Variants in STAG1 observed in about 807,000 individuals in gnomAD.
STAG1 encodes the protein STAG1 cohesin complex component, also known as cohesin subunit SA-1.
A neutral mutation model predicts 170.9 loss-of-function variants in STAG1; 26 were observed. The observed-to-expected ratio is 0.15, with a 90% CI of 0.11 to 0.21. The LOEUF is 0.21. Among genes scored for constraint, STAG1 ranks in the 10% least tolerant of loss-of-function variants. The probability of loss-of-function intolerance (pLI) is 1.00; values close to 1 mark genes in which losing one functional copy is unlikely to be tolerated. For missense variants in STAG1, 964 were observed against 1,509.5 expected (o/e 0.64, Z 5.99); for synonymous variants, 514 against 497.7 (o/e 1.03, Z -0.44).
At position 136,502,618 on chromosome 3, in the gene STAG1, T is replaced by C. The variant is rs1933544473; in HGVS notation, c.828+10A>G. 1 of 1,611,732 alleles carries C rather than the reference T, an allele frequency of 6.2e-7. No homozygotes were observed. Among genetic ancestry groups the C allele is most frequent in the South Asian group, 1.1e-5 (1 of 90,520 alleles). ...CAGAACATAAAATCATCAGTTCCCA[T>C]GAAACTTACCTCTTTGCGTTTCTGA... On this transcript the variant is annotated intron_variant, in intron 8 of 33. Coordinates refer to ENST00000383202, the MANE Select transcript of STAG1 (RefSeq NM_005862.3).
At chr3:136,350,170 G>T (rs1450756301) in intron 28 of STAG1, among the ~76,000 whole-genome samples, 1 of 151,948 alleles carries the variant, frequency 6.6e-6, no homozygotes, top group African/African-American at 2.4e-5. Context: ...ATACATTTTA[G>T]CAAGAACAGC....
Position 136,673,899 on chromosome 3 carries a change from T to A in STAG1, c.-83-42918A>T, listed in dbSNP as rs116000947. On this transcript the variant is annotated intron_variant, in intron 1 of 33. Transcript: ENST00000383202. Reference sequence around the variant, plus strand: ...AGGTGGATTGCTTGAGCTCATGAATTCAAGGCCAGCCTGGGTAACATGGCA... The same window carrying A: ...AGGTGGATTGCTTGAGCTCATGAATACAAGGCCAGCCTGGGTAACATGGCA... Among the ~76,000 whole-genome samples, 980 of 151,718 alleles carry A rather than the reference T, an allele frequency of 6.5e-3. 12 individuals carry two copies. The highest frequency in any genetic ancestry group is 0.023 in the African/African-American group (934 of 41,350).
chr3:136,747,106 AAAAAAAAAAAAAAAAAAT>A, intron 1 of STAG1, among the ~76,000 whole-genome samples: 1 of 100,660 alleles, frequency 9.9e-6, no homozygotes, highest in Non-Finnish European at 2.5e-5. Flanking sequence ...AAAAAAAAAA[AAAAAAAAAAAAAAAAAAT>A]TAGCCGGGCA....
At chr3:136,587,691 A>C (rs368385437) in intron 4 of STAG1, among the ~76,000 whole-genome samples, 1 of 152,206 alleles carries the variant, frequency 6.6e-6, no homozygotes, top group Non-Finnish European at 1.5e-5. Flanking sequence ...ATGGTGGCTC[A>C]TGTCTGTAAC....
intron 1 of STAG1, among the ~76,000 whole-genome samples, chr3:136,684,664 T>C (rs1347123587): frequency 2.0e-5 from 3 of 150,996 alleles, no homozygotes; most frequent in African/African-American, 7.3e-5. Flanking sequence ...GGTGGGAGAA[T>C]CATCGGGAGA....
chr3:136,392,819 T>TG (rs928824658), intron 22 of STAG1, among the ~76,000 whole-genome samples: 3 of 151,808 alleles, frequency 2.0e-5, no homozygotes, highest in Admixed American at 2.0e-4. Context: ...TAACAGTGGT[T>TG]ATCTACAAGT....
In STAG1 at chr3:136,474,448, G is replaced by A. The variant is rs535226336; in HGVS notation, c.1027-811C>T. On this transcript the variant is annotated intron_variant, in intron 10 of 33. Coordinates refer to ENST00000383202, the MANE Select transcript of STAG1 (RefSeq NM_005862.3). ...CAGGTTTCTTGTTTATAAAATTATC[G>A]TAGGGATTAAGTGCAGAGATATGCT... is the stretch of plus-strand genomic sequence containing the variant. Among the ~76,000 whole-genome samples the A allele has an allele frequency of 1.6e-4, 24 of 152,234 alleles. No individual in the cohort carries two copies. In the East Asian group the frequency reaches 2.7e-3, roughly 17 times the overall value.
intron 5 of STAG1, among the ~76,000 whole-genome samples, chr3:136,554,252 A>AG (rs1251899726): frequency 3.9e-5 from 6 of 152,190 alleles, no homozygotes; most frequent in Non-Finnish European, 7.3e-5. Context: ...AGGGTAAGGA[A>AG]GGGGAAAGGC....
chr3:136,551,226 A>T (rs868745890), intron 5 of STAG1, among the ~76,000 whole-genome samples: 29 of 128,018 alleles, frequency 2.3e-4, no homozygotes, highest in Non-Finnish European at 3.0e-4. Context: ...AGAGAGAGAG[A>T]GAGAGAGAGA....
chr3:136,585,684 C>A lies in STAG1; in HGVS notation c.298-16823G>T, dbSNP rs1020421352. On this transcript the variant is annotated intron_variant, in intron 4 of 33. Coordinates refer to ENST00000383202, the MANE Select transcript of STAG1 (RefSeq NM_005862.3). ...CACTCTTTCCATCTGTGTTCATGTC[C>A]TCCAAGAATCCTAGCACTGACTCCA... Among the ~76,000 whole-genome samples the A allele has an allele frequency of 4.6e-5, 7 of 152,118 alleles. No individual in the cohort carries two copies. In the East Asian group the frequency reaches 1.4e-3, roughly 29 times the overall value.
At chr3:136,438,826 TATTA>T (rs2088538844) in intron 15 of STAG1, among the ~76,000 whole-genome samples, 1 of 152,130 alleles carries the variant, frequency 6.6e-6, no homozygotes, top group African/African-American at 2.4e-5. Flanking sequence ...TTAAGAATCT[TATTA>T]TTTACAGCTA....
chr3:136,529,647 C>T (rs955133740), intron 6 of STAG1, among the ~76,000 whole-genome samples: 1 of 152,178 alleles, frequency 6.6e-6, no homozygotes, highest in Non-Finnish European at 1.5e-5. Flanking sequence ...AAAAAATGCT[C>T]AAGAGAGTCC....
At chr3:136,692,635 A>T (rs1942764213) in intron 1 of STAG1, among the ~76,000 whole-genome samples, 1 of 146,282 alleles carries the variant, frequency 6.8e-6, no homozygotes, top group Non-Finnish European at 1.5e-5. Context: ...ACTCTGTCTC[A>T]AAAAAAAAAA....
chr3:136,408,383 C>T (rs2087540300), intron 21 of STAG1, among the ~76,000 whole-genome samples: 1 of 152,054 alleles, frequency 6.6e-6, no homozygotes, highest in Non-Finnish European at 1.5e-5. Context: ...GTTACTGTAA[C>T]AGAACCTAGA....
chr3:136,407,160 G>T (rs2087507860), intron 21 of STAG1, among the ~76,000 whole-genome samples: 1 of 152,106 alleles, frequency 6.6e-6, no homozygotes, highest in African/African-American at 2.4e-5. Context: ...CTGAGTAGCT[G>T]GGATTACAGG....
At chr3:136,681,113 G>A (rs1362628887) in intron 1 of STAG1, among the ~76,000 whole-genome samples, 1 of 152,158 alleles carries the variant, frequency 6.6e-6, no homozygotes, top group African/African-American at 2.4e-5. Flanking sequence ...AGTACAGACA[G>A]AACCATTCTT....
intron 15 of STAG1, among the ~76,000 whole-genome samples, chr3:136,436,819 CA>C (rs1160943461): frequency 1.3e-5 from 2 of 151,938 alleles, no homozygotes; most frequent in Non-Finnish European, 2.9e-5. Flanking sequence ...TATTCTGTAC[CA>C]AAATTATCTT....
chr3:136,592,280 A>G (rs930779846), intron 4 of STAG1, among the ~76,000 whole-genome samples: 4 of 152,158 alleles, frequency 2.6e-5, no homozygotes, highest in Non-Finnish European at 5.9e-5. Flanking sequence ...AGGTAATTGA[A>G]TCATGGGGGT....
intron 1 of STAG1, among the ~76,000 whole-genome samples, chr3:136,662,835 T>C (rs1941623304): frequency 6.6e-6 from 1 of 152,182 alleles, no homozygotes; most frequent in Non-Finnish European, 1.5e-5. Context: ...GTGGATCACC[T>C]GAGGTGAGGA....
Sources: gnomAD v4.1 joint callset for allele counts (sites outside exome capture counted in the v4.1 genomes callset) on GRCh38, gnomAD v4.1.1 for gene constraint, MANE v1.5 for transcripts, NCBI Gene and HGNC (gene_info 2026-07-23, HGNC 2026-07-21) for gene names.